Variants in DPP10 observed in about 807,000 individuals in gnomAD.
DPP10 encodes inactive dipeptidyl peptidase 10.
Under a neutral mutation model 120.9 loss-of-function variants are expected in DPP10, and 33 were observed. The observed-to-expected ratio is 0.27, with a 90% CI of 0.21 to 0.37. The LOEUF (loss-of-function observed/expected upper bound fraction) is 0.37. Among genes scored for constraint, DPP10 ranks in the 10% least tolerant of loss-of-function variants. The pLI is 1.00. For synonymous variants in DPP10, 337 were observed against 326.1 expected, an observed-to-expected ratio of 1.03 and a Z score of -0.36; for missense variants, 816 against 942.8, an observed-to-expected ratio of 0.87 and a Z score of 1.76.
intron 2 of DPP10, among the ~76,000 whole-genome samples, chr2:115,327,379 T>G (rs1298558221): frequency 6.6e-6 from 1 of 152,060 alleles, no homozygotes; most frequent in Non-Finnish European, 1.5e-5. Context: ...TGAATTTCAC[T>G]AATGATTTCA....
chr2:114,497,108 C>T (rs1052179120), intron 1 of DPP10, among the ~76,000 whole-genome samples: 28 of 148,804 alleles, frequency 1.9e-4, no homozygotes, highest in Admixed American at 7.4e-4. Flanking sequence ...TGTACATGTA[C>T]GTATACATGC....
intron 1 of DPP10, among the ~76,000 whole-genome samples, chr2:114,561,236 A>C (rs1239525804): frequency 6.6e-6 from 1 of 152,216 alleles, no homozygotes; most frequent in Non-Finnish European, 1.5e-5. Flanking sequence ...TGGACATCTT[A>C]GCTCTCTTGC....
At chr2:114,950,813 T>C (rs942679808) in intron 1 of DPP10, among the ~76,000 whole-genome samples, 9 of 152,226 alleles carry the variant, frequency 5.9e-5, no homozygotes, top group African/African-American at 2.2e-4. Context: ...AGAAAATAAA[T>C]GATATGGAAA....
intron 8 of DPP10, among the ~76,000 whole-genome samples, chr2:115,733,082 C>G (rs530552701): frequency 1.8e-4 from 27 of 152,078 alleles, no homozygotes; most frequent in African/African-American, 6.3e-4. Context: ...ATGACATGGG[C>G]CTTGTGTTGG....
At chr2:115,829,257 A>G (rs1037293361) in intron 21 of DPP10, among the ~76,000 whole-genome samples, 1 of 152,142 alleles carries the variant, frequency 6.6e-6, no homozygotes, top group Non-Finnish European at 1.5e-5. Context: ...TATAGTTTCA[A>G]ATAGCTAGCC....
At chr2:114,601,663 T>A (rs1475083338) in intron 1 of DPP10, among the ~76,000 whole-genome samples, 1 of 151,974 alleles carries the variant, frequency 6.6e-6, no homozygotes, top group East Asian at 1.9e-4. Context: ...GCTTTGAAAC[T>A]TCGTGAAGCT....
At chr2:114,559,575 G>T (rs1312323833) in intron 1 of DPP10, among the ~76,000 whole-genome samples, 1 of 152,106 alleles carries the variant, frequency 6.6e-6, no homozygotes, top group Non-Finnish European at 1.5e-5. Flanking sequence ...CATACACTTA[G>T]TTCCTCACAT....
At chr2:115,450,195 G>GTACT (rs2072991742) in intron 3 of DPP10, among the ~76,000 whole-genome samples, 2 of 151,956 alleles carry the variant, frequency 1.3e-5, no homozygotes, top group African/African-American at 4.8e-5. Context: ...TGTGCTCAGA[G>GTACT]TACTTACATT....
At chr2:115,137,445 G>C (rs1421800480) in intron 1 of DPP10, among the ~76,000 whole-genome samples, 1 of 152,188 alleles carries the variant, frequency 6.6e-6, no homozygotes, top group Non-Finnish European at 1.5e-5. Context: ...CAAGACTGAG[G>C]ATGAACAACT....
At chr2:114,522,557 G>A (rs1186170818) in intron 1 of DPP10, among the ~76,000 whole-genome samples, 2 of 152,100 alleles carry the variant, frequency 1.3e-5, no homozygotes. Context: ...ATGTATTACT[G>A]CATCTTTATA....
In DPP10 at chr2:115,163,817, G is replaced by A. The variant is rs189876386; in HGVS notation, c.61-145422G>A. On this transcript the variant is annotated intron_variant, in intron 1 of 25. Transcript: ENST00000410059. ...GAGGCGCTGCAAACAGTTCAGTGAT[G>A]GTGGAAGTGGGATGCAGAAGCAGAG... 1.5e-4 allele frequency among the ~76,000 whole-genome samples: 23 copies of A among 152,252 alleles called. 1 individual carries two copies. The highest frequency in any genetic ancestry group is 1.5e-3 in the Admixed American group (23 of 15,302).
chr2:115,463,200 A>G (rs984943291), intron 3 of DPP10, among the ~76,000 whole-genome samples: 2 of 152,176 alleles, frequency 1.3e-5, no homozygotes, highest in African/African-American at 2.4e-5. Context: ...TCCTATTTCT[A>G]TACATGCATT....
intron 5 of DPP10, among the ~76,000 whole-genome samples, chr2:115,563,922 A>G (rs1324049123): frequency 6.6e-6 from 1 of 152,230 alleles, no homozygotes; most frequent in Non-Finnish European, 1.5e-5. Flanking sequence ...TCAAATTTTT[A>G]TCTAAATGCC....
intron 1 of DPP10, among the ~76,000 whole-genome samples, chr2:115,173,169 G>A (rs915242434): frequency 3.3e-5 from 5 of 152,012 alleles, no homozygotes; most frequent in African/African-American, 9.7e-5. Flanking sequence ...CTGCAGCTTC[G>A]TTCCTTCTCA....
chr2:114,578,498 T>G (rs1439042532), intron 1 of DPP10, among the ~76,000 whole-genome samples: 1 of 149,186 alleles, frequency 6.7e-6, no homozygotes, highest in Admixed American at 6.6e-5. Context: ...TCTCCATTCC[T>G]TTTTTTCCTT....
chr2:114,715,192 G>A (rs763367611), intron 1 of DPP10, among the ~76,000 whole-genome samples: 2 of 152,150 alleles, frequency 1.3e-5, no homozygotes, highest in Non-Finnish European at 2.9e-5. Context: ...AATTAAGACA[G>A]TAATTAAGCA....
intron 1 of DPP10, among the ~76,000 whole-genome samples, chr2:115,246,864 G>T (rs930154264): frequency 6.6e-6 from 1 of 152,024 alleles, no homozygotes; most frequent in Admixed American, 6.6e-5. Flanking sequence ...ATCAAATGAC[G>T]TGGCTTCGAA....
chr2:114,462,570 TCA>T (rs1679016473), intron 1 of DPP10, among the ~76,000 whole-genome samples: 2 of 152,188 alleles, frequency 1.3e-5, no homozygotes, highest in South Asian at 4.1e-4. Context: ...GAGGAAAACT[TCA>T]GAAGGGATAT....
chr2:115,534,774 T>G (rs928740284), intron 5 of DPP10, among the ~76,000 whole-genome samples: 4 of 151,110 alleles, frequency 2.6e-5, no homozygotes, highest in African/African-American at 9.8e-5. Flanking sequence ...CAGCACCTGT[T>G]GTTTCCTGAC....
Sources: gnomAD v4.1 joint callset for allele counts (sites outside exome capture counted in the v4.1 genomes callset) on GRCh38, gnomAD v4.1.1 for gene constraint, MANE v1.5 for transcripts, NCBI Gene and HGNC (gene_info 2026-07-23, HGNC 2026-07-21) for gene names.